The following LHX8 variants were observed in gnomAD, a reference collection of about 807,000 sequenced individuals.
LHX8 encodes LIM/homeobox protein Lhx8.
A neutral mutation model predicts 40.3 loss-of-function variants in LHX8; 12 were observed. That is an observed-to-expected ratio of 0.30 (90% CI 0.19 to 0.48). The LOEUF is 0.48. Ranked by LOEUF, LHX8 falls within the 20% of genes least tolerant of loss-of-function variation. LHX8 has a pLI of 0.99. For synonymous variants in LHX8, 179 were observed against 162.0 expected (o/e 1.10, Z -0.80); for missense variants, 344 against 433.7 (o/e 0.79, Z 1.84).
intron 3 of LHX8, among the ~76,000 whole-genome samples, chr1:75,139,895 CA>C (rs1431758021): frequency 1.3e-5 from 2 of 152,158 alleles, no homozygotes; most frequent in Admixed American, 6.6e-5. Flanking sequence ...AATAGTTGAG[CA>C]AAAGCCATAT....
At chr1:75,189,558 T>C in the LHX8 span, among the ~76,000 whole-genome samples, 1 of 152,034 alleles carries the variant, frequency 6.6e-6, no homozygotes, top group African/African-American at 2.4e-5. Flanking sequence ...TATTAGCTAA[T>C]GAAACAAAAA....
the LHX8 span, among the ~76,000 whole-genome samples, chr1:75,195,580 G>T: frequency 2.0e-5 from 3 of 151,836 alleles, no homozygotes; most frequent in African/African-American, 7.3e-5. Context: ...CTCTAGTATG[G>T]TATTCATTCC....
chr1:75,166,691 G>A, the LHX8 span, among the ~76,000 whole-genome samples: 1 of 152,154 alleles, frequency 6.6e-6, no homozygotes, highest in Non-Finnish European at 1.5e-5. Flanking sequence ...AGACAGCATG[G>A]TGCATTTATG....
At chr1:75,165,298 C>T (rs1487935758), downstream of LHX8, among the ~76,000 whole-genome samples, 18 of 152,028 alleles carry the variant, frequency 1.2e-4, no homozygotes, top group Admixed American at 1.2e-3. Flanking sequence ...ATAATTAGGC[C>T]TTTGGTTTTA....
chr1:75,172,191 C>T, the LHX8 span, among the ~76,000 whole-genome samples: 1 of 152,166 alleles, frequency 6.6e-6, no homozygotes, highest in Non-Finnish European at 1.5e-5. Flanking sequence ...ATAACACACA[C>T]ACTCTACTCA....
the LHX8 span, among the ~76,000 whole-genome samples, chr1:75,185,799 G>C: frequency 9.2e-5 from 14 of 152,022 alleles, no homozygotes; most frequent in African/African-American, 3.4e-4. Context: ...GAAAACCCAA[G>C]AGTCTCAACC....
At chr1:75,133,746 G>GTTCTGCCTC (rs1648035140), upstream of LHX8, among the ~76,000 whole-genome samples, 3 of 152,298 alleles carry the variant, frequency 2.0e-5, no homozygotes, top group South Asian at 6.2e-4. Flanking sequence ...TGAGGCAGAA[G>GTTCTGCCTC]ACAAGGCTGC....
upstream of LHX8, chr1:75,131,636 T>G (rs1006561528): frequency 6.6e-6 from 1 of 152,226 alleles, no homozygotes; most frequent in African/African-American, 2.4e-5. Flanking sequence ...GTGGAAGCTG[T>G]GGGGGTCAGG....
chr1:75,195,975 C>T, the LHX8 span, among the ~76,000 whole-genome samples: 1 of 152,150 alleles, frequency 6.6e-6, no homozygotes, highest in African/African-American at 2.4e-5. Flanking sequence ...GAGAGCAAGG[C>T]AGATAGAGTC....
At chr1:75,153,096 T>A (rs962971887) in intron 7 of LHX8, among the ~76,000 whole-genome samples, 10 of 150,958 alleles carry the variant, frequency 6.6e-5, no homozygotes, top group African/African-American at 2.4e-4. Context: ...AGTTTTGGCC[T>A]TTTTTTTTGT....
the LHX8 span, among the ~76,000 whole-genome samples, chr1:75,188,187 T>C: frequency 6.6e-6 from 1 of 152,172 alleles, no homozygotes. Flanking sequence ...GTTTTGCTTT[T>C]TTTTTCATGT....
chr1:75,158,363 T>C lies in LHX8; in HGVS notation c.964+1287T>C, dbSNP rs140648834. Among the ~76,000 whole-genome samples the C allele has an allele frequency of 6.4e-3, 974 of 152,344 alleles. 12 individuals are homozygous for C. Among genetic ancestry groups the C allele is most frequent in the African/African-American group, 0.022 (909 of 41,584 alleles). ...GGCTTTTTCTACTCTCTTAATGGAA[T>C]GTTTCATTGAGCACAAGTTCCTAAT... On this transcript the variant is annotated intron_variant, in intron 8 of 8. Coordinates refer to ENST00000356261, the MANE Select transcript of LHX8 (RefSeq NM_001256114.2).
At chr1:75,175,046 G>A in the LHX8 span, among the ~76,000 whole-genome samples, 1 of 152,178 alleles carries the variant, frequency 6.6e-6, no homozygotes, top group East Asian at 1.9e-4. Context: ...CTGCTTATGA[G>A]TGAGAACATA....
At chr1:75,142,514 C>A (rs1434855053) in intron 4 of LHX8, among the ~76,000 whole-genome samples, 1 of 152,136 alleles carries the variant, frequency 6.6e-6, no homozygotes, top group Non-Finnish European at 1.5e-5. Context: ...CTATGGATAA[C>A]AATACAATAG....
Position 75,136,701 on chromosome 1 carries a change from G to C in LHX8, c.75+12G>C. The C allele has an allele frequency of 6.5e-7, 1 of 1,540,416 alleles. No homozygotes were observed. Among genetic ancestry groups the C allele is most frequent in the Non-Finnish European group, 8.7e-7 (1 of 1,145,292 alleles). On this transcript the variant is annotated intron_variant, in intron 2 of 8. Coordinates refer to ENST00000356261, the MANE Select transcript of LHX8 (RefSeq NM_001256114.2). ...GGGAAGAGGGACTGGTGAGTGCGGA[G>C]GGGCTCGCGTGCTGGCAAGACTGGC...
the LHX8 span, among the ~76,000 whole-genome samples, chr1:75,172,432 C>T: frequency 6.6e-6 from 1 of 152,328 alleles, no homozygotes; most frequent in Admixed American, 6.5e-5. Context: ...TTTGACACAA[C>T]ATAACTTCTA....
Position 75,136,478 on chromosome 1 carries a change from T to C in LHX8, c.-12-125T>C, listed in dbSNP as rs537780595. On this transcript the variant is annotated intron_variant, in intron 1 of 8. Coordinates refer to ENST00000356261, the MANE Select transcript of LHX8 (RefSeq NM_001256114.2). ...GCCCGGGCTCAGGCGCCGTGACGGCTGCACGCGCTGCCCCGCACTCTGAGG... is the reference window on the plus strand; with the variant it reads ...GCCCGGGCTCAGGCGCCGTGACGGCCGCACGCGCTGCCCCGCACTCTGAGG... 2,532 of 666,124 alleles carry C rather than the reference T, an allele frequency of 3.8e-3. 16 individuals are homozygous for C. Among genetic ancestry groups the C allele is most frequent in the Admixed American group, 0.016 (656 of 39,932 alleles). The allele number at this position is 666,124 out of a possible 1,614,324, so 41.3% of individuals were successfully genotyped here.
At chr1:75,139,568 T>A (rs1281250023) in intron 3 of LHX8, among the ~76,000 whole-genome samples, 1 of 152,060 alleles carries the variant, frequency 6.6e-6, no homozygotes, top group Admixed American at 6.6e-5. Flanking sequence ...AGGAAAAAAA[T>A]ATAAGGAAAA....
At chr1:75,131,378 T>C (rs1401149231), upstream of LHX8, 3 of 155,824 alleles carry the variant, frequency 1.9e-5, no homozygotes, top group Admixed American at 1.9e-4. Context: ...GGACTTTCCC[T>C]ACTTAAAGTT....
Sources: gnomAD v4.1 joint callset for allele counts (sites outside exome capture counted in the v4.1 genomes callset) on GRCh38, gnomAD v4.1.1 for gene constraint, MANE v1.5 for transcripts, NCBI Gene and HGNC (gene_info 2026-07-23, HGNC 2026-07-21) for gene names.